MID1: variants seen among roughly 807,000 people sequenced by gnomAD.
MID1 encodes midline 1, also known as E3 ubiquitin-protein ligase Midline-1.
A neutral mutation model predicts 40.4 loss-of-function variants in MID1; 7 were observed. The observed-to-expected ratio is 0.17, with a 90% CI of 0.10 to 0.33. The LOEUF (loss-of-function observed/expected upper bound fraction) is 0.33, where lower values mean the gene tolerates loss of function less well. MID1 is among the 10% of genes least tolerant of loss of function. The probability of loss-of-function intolerance (pLI) is 1.00; values close to 1 mark genes in which losing one functional copy is unlikely to be tolerated. For missense variants in MID1, 367 were observed against 558.5 expected (o/e 0.66, Z 3.46); for synonymous variants, 229 against 221.2 (o/e 1.04, Z -0.31).
intron 4 of MID1, among the ~76,000 whole-genome samples, chrX:10,495,130 A>C (rs1931177229): frequency 8.9e-6 from 1 of 112,030 alleles, no homozygotes; most frequent in South Asian, 3.7e-4. Context: ...CCATGAAGTT[A>C]TACCTGTATA....
intron 7 of MID1, among the ~76,000 whole-genome samples, chrX:10,464,393 C>T (rs746799764): frequency 8.9e-6 from 1 of 111,772 alleles, no homozygotes; most frequent in South Asian, 3.7e-4. Context: ...CAATAAATAT[C>T]TTCCTTTCAT....
rs756403314 is a variant in MID1 at position 10,749,262 on chromosome X, C to T, written c.-187+84292G>A. On this transcript the variant is annotated intron_variant, in intron 1 of 10. Transcript: ENST00000380785. Reference sequence around the variant, plus strand: ...AATGGGCCAAGCAGAGATGTCATCACTAGAAAGGAATGAGCCTGAGGAGAA... The same window carrying T: ...AATGGGCCAAGCAGAGATGTCATCATTAGAAAGGAATGAGCCTGAGGAGAA... Among the ~76,000 whole-genome samples the T allele has an allele frequency of 8.9e-4, 99 of 110,665 alleles. 1 individual carries two copies. The highest frequency in any genetic ancestry group is 3.1e-3 in the African/African-American group (95 of 30,447).
chrX:10,511,550 G>GTTAA (rs1211158659), intron 3 of MID1, among the ~76,000 whole-genome samples: 1 of 111,083 alleles, frequency 9.0e-6, no homozygotes, highest in Non-Finnish European at 1.9e-5. Flanking sequence ...CTCACAGTTG[G>GTTAA]TTAATTAATT....
chrX:10,594,935 A>C (rs1935383613), intron 1 of MID1, among the ~76,000 whole-genome samples: 1 of 112,151 alleles, frequency 8.9e-6, no homozygotes, highest in African/African-American at 3.2e-5. Context: ...CATGTGATGC[A>C]ATTTACATAA....
intron 1 of MID1, among the ~76,000 whole-genome samples, chrX:10,772,189 ATATC>A (rs1332320494): frequency 9.0e-6 from 1 of 111,024 alleles, no homozygotes; most frequent in African/African-American, 3.3e-5. Context: ...GTGTGTATAT[ATATC>A]TATTTCATCA....
At chrX:10,690,433 T>C (rs941701071) in intron 1 of MID1, among the ~76,000 whole-genome samples, 18 of 112,325 alleles carry the variant, frequency 1.6e-4, no homozygotes, top group East Asian at 2.8e-4. Context: ...TTTGTGACAA[T>C]AAGGCTGTTA....
chrX:10,526,081 A>G (rs1262671930), intron 2 of MID1, among the ~76,000 whole-genome samples: 1 of 112,371 alleles, frequency 8.9e-6, no homozygotes, highest in Admixed American at 9.5e-5. Flanking sequence ...GGCTTTGTGC[A>G]CATTTCATCT....
At chrX:10,789,222 C>A (rs1041586913) in intron 1 of MID1, among the ~76,000 whole-genome samples, 1 of 107,156 alleles carries the variant, frequency 9.3e-6, no homozygotes, top group Non-Finnish European at 1.9e-5. Flanking sequence ...AAAGTCTATG[C>A]TGGCTAAACT....
chrX:10,519,513 C>T, intron 3 of MID1, among the ~76,000 whole-genome samples: 1 of 111,744 alleles, frequency 8.9e-6, no homozygotes, highest in East Asian at 2.8e-4. Flanking sequence ...CCTTCACACT[C>T]TCAACTTCAT....
At chrX:10,475,528 G>A (rs905421426) in intron 5 of MID1, among the ~76,000 whole-genome samples, 2 of 112,006 alleles carry the variant, frequency 1.8e-5, no homozygotes, top group Non-Finnish European at 3.8e-5. Context: ...GGAAGGTTCA[G>A]TTATTAATAA....
At chrX:10,759,878 C>T (rs2043664148) in intron 1 of MID1, among the ~76,000 whole-genome samples, 1 of 111,883 alleles carries the variant, frequency 8.9e-6, no homozygotes, top group Non-Finnish European at 1.9e-5. Flanking sequence ...AATTCAGTTG[C>T]TTGATACATT....
rs768753054 is a variant in MID1, at chrX:10,514,008, G to GA, written c.756+9083dup. Among the ~76,000 whole-genome samples, 11 of 111,805 alleles carry GA rather than the reference G, an allele frequency of 9.8e-5. No individual in the cohort carries two copies. In the East Asian group the frequency reaches 3.1e-3, roughly 31 times the overall value. ...GGAGGGAGCACAATAAGATATATCAGAAAAAAGCACACTTTCTCTCTAACT... is the reference window on the plus strand; with the variant it reads ...GGAGGGAGCACAATAAGATATATCAGAAAAAAAGCACACTTTCTCTCTAACT... On this transcript the variant is annotated intron_variant, in intron 3 of 9. Coordinates refer to ENST00000317552, the MANE Select transcript of MID1 (RefSeq NM_000381.4).
Position 10,462,227 on chromosome X carries a change from T to C in MID1, c.1286-2420A>G, listed in dbSNP as rs140128095. 7.6e-3 allele frequency among the ~76,000 whole-genome samples: 859 copies of C among 112,318 alleles called. 10 individuals are homozygous for C. The highest frequency in any genetic ancestry group is 0.025 in the African/African-American group (786 of 30,957). Reference sequence around the variant, plus strand: ...AACAAACACTATTACTGTTTAGGTTTACCTTTATGTTATTATTATTGCCAA... The same window carrying C: ...AACAAACACTATTACTGTTTAGGTTCACCTTTATGTTATTATTATTGCCAA... On this transcript the variant is annotated intron_variant, in intron 7 of 9. Transcript: ENST00000317552.
chrX:10,749,537 CA>C (rs1463531456), intron 1 of MID1, among the ~76,000 whole-genome samples: 1 of 112,183 alleles, frequency 8.9e-6, no homozygotes, highest in Non-Finnish European at 1.9e-5. Flanking sequence ...GCTGCTTTTG[CA>C]TTGCTATAAA....
At chrX:10,781,756 T>C (rs1001822576) in intron 1 of MID1, among the ~76,000 whole-genome samples, 1 of 112,334 alleles carries the variant, frequency 8.9e-6, no homozygotes, top group Non-Finnish European at 1.9e-5. Flanking sequence ...TTCTTGGAGA[T>C]ATGATTTTCC....
At chrX:10,591,688 C>G (rs928157272) in intron 1 of MID1, among the ~76,000 whole-genome samples, 1 of 109,302 alleles carries the variant, frequency 9.1e-6, no homozygotes, top group Non-Finnish European at 1.9e-5. Context: ...CCACCTCCCC[C>G]CCTTCACCTC....
At chrX:10,832,999 T>C (rs994960968) in intron 1 of MID1, among the ~76,000 whole-genome samples, 1 of 112,872 alleles carries the variant, frequency 8.9e-6, no homozygotes, top group Admixed American at 9.4e-5. Flanking sequence ...TTTCTTTACA[T>C]TGTCTAGAAC....
intron 1 of MID1, among the ~76,000 whole-genome samples, chrX:10,766,713 A>G (rs968361925): frequency 9.1e-6 from 1 of 110,475 alleles, no homozygotes; most frequent in African/African-American, 3.3e-5. Context: ...TGAGGCCAGG[A>G]ACTTGAGACC....
At chrX:10,599,072 G>C (rs928523400) in intron 1 of MID1, among the ~76,000 whole-genome samples, 18 of 111,649 alleles carry the variant, frequency 1.6e-4, no homozygotes, top group Non-Finnish European at 2.8e-4. Context: ...CCAATCCCGG[G>C]TCTCTGACTG....
Sources: allele counts gnomAD v4.1 joint callset (sites outside exome capture counted in the v4.1 genomes callset), GRCh38; gene constraint gnomAD v4.1.1; transcripts MANE v1.5; gene names NCBI Gene and HGNC (gene_info 2026-07-23, HGNC 2026-07-21).